Variants in IL4R observed in about 807,000 individuals in gnomAD.
IL4R encodes interleukin 4 receptor, also known as interleukin-4 receptor subunit alpha.
IL4R carries 17 observed loss-of-function variants against 41.5 expected under a neutral mutation model. That is an observed-to-expected ratio of 0.41 (90% CI 0.28 to 0.61). The LOEUF (loss-of-function observed/expected upper bound fraction) is 0.61. Ranked by LOEUF, IL4R falls within the 20% of genes least tolerant of loss-of-function variation. The pLI, the probability that IL4R is intolerant of heterozygous loss-of-function variation, is 0.31. For missense variants in IL4R, 974 were observed against 1,043.1 expected (o/e 0.93, Z 0.91); for synonymous variants, 402 against 422.9 (o/e 0.95, Z 0.61).
chr16:27,344,731 G>A (rs762821325), intron 4 of IL4R, 138 bp from the exon 5 acceptor site: 2 of 905,834 alleles, frequency 2.2e-6, no homozygotes, highest in South Asian at 3.4e-5. Flanking sequence ...CCGCTCCCAA[G>A]CCCCCAGATC....
intron 2 of IL4R, among the ~76,000 whole-genome samples, chr16:27,339,425 G>A (rs1158967059): frequency 6.6e-6 from 1 of 152,054 alleles, no homozygotes; most frequent in African/African-American, 2.4e-5. Context: ...GGTCACTGTT[G>A]GAGGGCTCTG....
In IL4R at chr16:27,352,530, T is replaced by C. The variant is rs2085913696; in HGVS notation, c.514-10T>C. 4 of 1,613,182 alleles carry C rather than the reference T, an allele frequency of 2.5e-6. No homozygotes were observed. The highest frequency in any genetic ancestry group is 4.5e-5 in the East Asian group (2 of 44,862). ...GGCTGGTGCCCTAACATCTCCCTTT[T>C]CTCTACCAGTTCAGAATCTATAACG... On this transcript the variant is annotated splice_polypyrimidine_tract_variant and intron_variant, in intron 6 of 10. Coordinates refer to ENST00000395762, the MANE Select transcript of IL4R (RefSeq NM_000418.4).
In IL4R at chr16:27,345,334, G is replaced by T. The variant is rs56144432; in HGVS notation, c.361+314G>T. On this transcript the variant is annotated intron_variant, in intron 5 of 10. Transcript: ENST00000395762. This position sits in a 1 kb window ranked among gnomAD's most constrained non-coding sequence, Gnocchi z 4.5. ...GCATGCCTGCTGCTGATTGAAAACC[G>T]AACTGGGAACATTCCTTCCATTCTG... 5.0e-3 allele frequency: 2,368 copies of T among 473,962 alleles called. 11 individuals are homozygous for T. Among genetic ancestry groups the T allele is most frequent in the Middle Eastern group, 0.016 (52 of 3,206 alleles). The allele number at this position is 473,962 out of a possible 1,614,324, so 29.4% of individuals were successfully genotyped here. A position where few individuals can be genotyped will look rare whatever the true frequency, so the allele number is the denominator to read the frequency against.
At chr16:27,316,906 C>CTTTT (rs34508839) in intron 1 of IL4R, among the ~76,000 whole-genome samples, 3 of 145,766 alleles carry the variant, frequency 2.1e-5, no homozygotes, top group Non-Finnish European at 4.5e-5. Flanking sequence ...AAATGAATAC[C>CTTTT]TTTTTTTTTT....
chr16:27,337,548 C>T (rs899407000), intron 2 of IL4R, among the ~76,000 whole-genome samples: 1 of 151,612 alleles, frequency 6.6e-6, no homozygotes, highest in African/African-American at 2.4e-5. Flanking sequence ...TATAACCCAG[C>T]GCGTGCTGTT....
chr16:27,324,670 C>T (rs184602942), intron 1 of IL4R, among the ~76,000 whole-genome samples: 2 of 152,358 alleles, frequency 1.3e-5, no homozygotes, highest in East Asian at 3.9e-4. Context: ...TAGGTGGCTT[C>T]TGGACACAGT....
At chr16:27,318,801 C>T (rs1013720526) in intron 1 of IL4R, 1 of 152,274 alleles carries the variant, frequency 6.6e-6, no homozygotes, top group African/African-American at 2.4e-5. Flanking sequence ...AGCCGTGGGG[C>T]CTTCCAAGGG....
intron 9 of IL4R, among the ~76,000 whole-genome samples, chr16:27,359,531 G>C (rs941239404): frequency 3.3e-5 from 5 of 152,166 alleles, no homozygotes; most frequent in African/African-American, 1.2e-4. Flanking sequence ...GAGTTCTCTA[G>C]GTAGGAGAAA....
intron 1 of IL4R, among the ~76,000 whole-genome samples, chr16:27,328,867 T>C (rs1322640593): frequency 6.6e-6 from 1 of 152,180 alleles, no homozygotes; most frequent in African/African-American, 2.4e-5. Flanking sequence ...AAGGGATGTT[T>C]GTCTTATTGA....
chr16:27,326,716 G>T (rs1011832950), intron 1 of IL4R, among the ~76,000 whole-genome samples: 1 of 152,170 alleles, frequency 6.6e-6, no homozygotes, highest in Non-Finnish European at 1.5e-5. Flanking sequence ...GGTGAGGATG[G>T]TTGAGCCACA....
rs184267617 is a variant in IL4R at position 27,327,819 on chromosome 16, T to G, written c.-151-2247T>G. Among the ~76,000 whole-genome samples, 29 of 152,256 alleles carry G rather than the reference T, an allele frequency of 1.9e-4. 1 individual carries two copies. Among genetic ancestry groups the G allele is most frequent in the Non-Finnish European group, 2.9e-4 (20 of 68,000 alleles). The stretch of plus-strand genomic sequence containing the variant: ...GGGTCGTTGGGAGAACCAAATTGAT[T>G]AATATATTGTAAGTACTTAGAACAG... On this transcript the variant is annotated intron_variant, in intron 1 of 10. Transcript: ENST00000395762.
At chr16:27,331,764 A>AAGTAATAGTAATAATACTATTATTATCC (rs1173545044) in intron 2 of IL4R, among the ~76,000 whole-genome samples, 3 of 152,170 alleles carry the variant, frequency 2.0e-5, no homozygotes, top group Non-Finnish European at 2.9e-5. Context: ...AAAAGAGTTG[A>AAGTAATAGTAATAATACTATTATTATCC]AGTAATAGTA....
rs1301809846 is a variant in IL4R at position 27,344,927 on chromosome 16, A to G, written c.268A>G (p.Met90Val). The G allele has an allele frequency of 2.5e-6, 4 of 1,614,040 alleles. No homozygotes were observed. The highest frequency in any genetic ancestry group is 2.2e-5 in the East Asian group (1 of 44,898). Residue 90 changes from methionine to valine, a missense_variant, in exon 5 of 11, where the codon ATG (methionine) becomes GTG (valine). Physicochemically the swap from Met to Val is conservative, Grantham distance 21 (BLOSUM62 1). Around this residue, in one of 3 missense-constraint regions of IL4R, gnomAD observed 284 missense variants for 313.4 expected, o/e 0.91. Transcript: ENST00000395762. ...GGAGCVCHLL[M>V]DDVVSADNYT... ...CGCGGGGTGCGTGTGCCACCTGCTC[A>G]TGGATGACGTGGTCAGTGCGGATAA...
intron 1 of IL4R, among the ~76,000 whole-genome samples, chr16:27,319,909 G>A (rs973119374): frequency 4.6e-5 from 7 of 151,818 alleles, no homozygotes; most frequent in South Asian, 2.1e-4. Flanking sequence ...CGCTCTTGTC[G>A]CCCAGACTGG....
intron 9 of IL4R, among the ~76,000 whole-genome samples, chr16:27,359,311 T>C (rs1202453669): frequency 6.6e-6 from 1 of 152,184 alleles, no homozygotes; most frequent in Non-Finnish European, 1.5e-5. Context: ...GTACCAGGGC[T>C]AGAGGCCAGA....
chr16:27,346,379 TG>T, intron 5 of IL4R, 87 bp from the exon 6 acceptor site: 1 of 1,378,556 alleles, frequency 7.3e-7, no homozygotes, highest in South Asian at 1.2e-5. Flanking sequence ...AAAATCTGGG[TG>T]GTGGCTGTGG....
At position 27,363,044 on chromosome 16, in the gene IL4R, T is replaced by G; in HGVS notation, c.1692T>G (p.Ala564=). 6.2e-7 allele frequency: 1 copy of G among 1,614,148 alleles called. No homozygotes were observed. Among genetic ancestry groups the G allele is most frequent in the Non-Finnish European group, 8.5e-7 (1 of 1,180,024 alleles). Residue 564 remains alanine (A), a synonymous_variant, in exon 11 of 11, where the codon GCT becomes GCG. Coordinates refer to ENST00000395762, the MANE Select transcript of IL4R (RefSeq NM_000418.4). ...LRRNVLQHGA[A]AAPVSAPTSG... ...GAAATGTCCTCCAGCATGGGGCAGCTGCAGCCCCCGTCTCGGCCCCCACCA... is the reference window on the plus strand; with the variant it reads ...GAAATGTCCTCCAGCATGGGGCAGCGGCAGCCCCCGTCTCGGCCCCCACCA...
At chr16:27,341,074 C>G (rs759670811) in intron 3 of IL4R, 28 of 676,108 alleles carry the variant, frequency 4.1e-5, no homozygotes, top group African/African-American at 5.3e-5. Context: ...CCAAAGGACT[C>G]TTCAGGATGC....
intron 8 of IL4R, among the ~76,000 whole-genome samples, 177 bp downstream of exon 8, chr16:27,356,084 C>CTTTTTT (rs36125482): frequency 4.8e-4 from 55 of 113,672 alleles, no homozygotes; most frequent in African/African-American, 1.3e-3. Flanking sequence ...CCACTTTTTT[C>CTTTTTT]TTTTTTTTTT....
Sources: gnomAD v4.1 joint callset for allele counts (sites outside exome capture counted in the v4.1 genomes callset) on GRCh38, gnomAD v4.1.1 for gene constraint, gnomAD v4.1.1 regional missense constraint, Gnocchi (gnomAD v3.1) non-coding constraint, MANE v1.5 for transcripts, NCBI Gene and HGNC (gene_info 2026-07-23, HGNC 2026-07-21) for gene names.